RUBCN: variants seen among roughly 807,000 people sequenced by gnomAD.
RUBCN encodes the protein rubicon autophagy regulator.
In RUBCN, 74 loss-of-function variants were observed where a neutral mutation model predicts 113.2. The observed-to-expected ratio is 0.65, with a 90% confidence interval of 0.54 to 0.79. The LOEUF (loss-of-function observed/expected upper bound fraction) is 0.79, where lower values mean the gene tolerates loss of function less well. Among genes scored for constraint, RUBCN ranks in the 30% least tolerant of loss-of-function variants. RUBCN has a pLI of 0.00. For missense variants in RUBCN, 1,109 were observed against 1,251.7 expected (o/e 0.89, Z 1.72); for synonymous variants, 480 against 490.0 (o/e 0.98, Z 0.27).
chr3:197,698,459 A>T (rs1369062565), intron 7 of RUBCN, among the ~76,000 whole-genome samples: 1 of 152,222 alleles, frequency 6.6e-6, no homozygotes, highest in Non-Finnish European at 1.5e-5. Context: ...CCAAGGAAAC[A>T]GACTGAAATA....
rs1413868093 is a variant in RUBCN at position 197,694,203 on chromosome 3, A to G, written c.1684+172T>C. On this transcript the variant is annotated intron_variant, in intron 10 of 19. Coordinates refer to ENST00000296343, the MANE Select transcript of RUBCN (RefSeq NM_014687.4). ...ACTCTGCCTGGCCTGGAAGGCAGGT[A>G]TTTCTGATGCAGGAAACGGAGCGAC... The G allele has an allele frequency of 4.0e-6, 3 of 745,866 alleles. No individual in the cohort carries two copies. The African/African-American group carries it at 5.1e-5, about 13-fold the overall frequency. 46.2% of individuals were successfully genotyped at this position (745,866 alleles called of 1,614,324 possible).
At chr3:197,735,069 A>G (rs1243618793) in intron 1 of RUBCN, among the ~76,000 whole-genome samples, 2 of 152,184 alleles carry the variant, frequency 1.3e-5, no homozygotes, top group East Asian at 3.8e-4. Context: ...TGCTCCTGAG[A>G]CCATCATTAT....
At position 197,674,587 on chromosome 3, in the gene RUBCN, G is replaced by A; in HGVS notation, c.*431C>T. ...GAGGGAAAACGCCATCCCCGTTTCAGCAGCAGGAGAGGTGGTTGAGAAAGG... is the reference window on the plus strand; with the variant it reads ...GAGGGAAAACGCCATCCCCGTTTCAACAGCAGGAGAGGTGGTTGAGAAAGG... On this transcript the variant is annotated 3_prime_UTR_variant, in exon 20 of 20. Transcript: ENST00000296343. The A allele has an allele frequency of 2.0e-6, 1 of 490,048 alleles. No individual in the cohort carries two copies. The highest frequency in any genetic ancestry group is 4.2e-6 in the Non-Finnish European group (1 of 240,896). 30.4% of individuals were successfully genotyped at this position (490,048 alleles called of 1,614,324 possible). A position where few individuals can be genotyped will look rare whatever the true frequency, so the allele number is the denominator to read the frequency against.
Position 197,700,987 on chromosome 3 carries a change from G to A in RUBCN, c.887C>T (p.Ser296Phe), listed in dbSNP as rs1350624462. Residue 296 changes from serine to phenylalanine, a missense_variant, in exon 7 of 20, where the codon TCC becomes TTC. Ser to Phe is a radical substitution (Grantham distance 155, BLOSUM62 -2). Coordinates refer to ENST00000296343, the MANE Select transcript of RUBCN (RefSeq NM_014687.4). ...CTCTATGGGGCTGGTCAGAGTACTG[G>A]AGCTCATTTCATTTGGGGTCAAAGG... ...DSPLTPNEMSSSTLTSPIEAS... is the reference protein window; with the variant it reads ...DSPLTPNEMSFSTLTSPIEAS... The A allele has an allele frequency of 2.5e-6, 4 of 1,614,200 alleles. No individual in the cohort carries two copies. Among genetic ancestry groups the A allele is most frequent in the East Asian group, 4.5e-5 (2 of 44,882 alleles).
At chr3:197,695,827 C>T in intron 9 of RUBCN, 39 bp downstream of exon 9, 1 of 1,579,506 alleles carries the variant, frequency 6.3e-7, no homozygotes, top group East Asian at 2.2e-5. Flanking sequence ...ACCCAATCTC[C>T]CAACTCATGA....
rs1275251284 is a variant in RUBCN, at chr3:197,689,923, T to C, written c.1786+3792A>G. ...GAACTCATCCCTTCTAACTGTATGG[T>C]TGAACCCACTAACCAACCTCTCTTT... On this transcript the variant is annotated intron_variant, in intron 11 of 19. Transcript: ENST00000296343. Among the ~76,000 whole-genome samples, 3 of 152,180 alleles carry C rather than the reference T, an allele frequency of 2.0e-5. No homozygotes were observed. In the East Asian group the frequency reaches 5.8e-4, roughly 29 times the overall value.
At chr3:197,721,861 T>A (rs1237005202) in intron 1 of RUBCN, among the ~76,000 whole-genome samples, 1 of 152,210 alleles carries the variant, frequency 6.6e-6, no homozygotes, top group East Asian at 1.9e-4. Context: ...TTCAGGAGCA[T>A]GTTGTTTAAT....
intron 11 of RUBCN, among the ~76,000 whole-genome samples, chr3:197,685,238 C>G (rs1293275956): frequency 6.6e-6 from 1 of 152,230 alleles, no homozygotes; most frequent in Non-Finnish European, 1.5e-5. Context: ...TCAAGCCAGG[C>G]AGACACAGCC....
In RUBCN at chr3:197,720,364, A is replaced by G. The variant is rs535211343; in HGVS notation, c.66-2234T>C. ...AAGAATTAAGGTTGAAGTGTATTCC[A>G]TAGTGTATACACACCCCATTATCTT... is the stretch of plus-strand genomic sequence containing the variant. On this transcript the variant is annotated intron_variant, in intron 1 of 19. Coordinates refer to ENST00000296343, the MANE Select transcript of RUBCN (RefSeq NM_014687.4). Among the ~76,000 whole-genome samples, 18 of 152,236 alleles carry G rather than the reference A, an allele frequency of 1.2e-4. No homozygotes were observed. In the East Asian group the frequency reaches 3.5e-3, roughly 29 times the overall value.
At chr3:197,732,678 G>A (rs1431207187) in intron 1 of RUBCN, among the ~76,000 whole-genome samples, 2 of 152,170 alleles carry the variant, frequency 1.3e-5, no homozygotes, top group East Asian at 3.9e-4. Context: ...GGAAAGTGAA[G>A]TATCATCCCT....
upstream of RUBCN, among the ~76,000 whole-genome samples, chr3:197,740,094 G>A (rs9814756): frequency 0.05 from 7,533 of 152,122 alleles, 576 homozygotes; most frequent in African/African-American, 0.17. Context: ...CTGGAAAACA[G>A]GCTTTTTCTC....
chr3:197,732,347 T>C (rs1236320100), intron 1 of RUBCN, among the ~76,000 whole-genome samples: 2 of 152,240 alleles, frequency 1.3e-5, no homozygotes, highest in Admixed American at 1.3e-4. Context: ...CGAGTCTCAC[T>C]CTGTCTCCCA....
chr3:197,703,724 GA>G, intron 4 of RUBCN, 70 bp from the exon 5 acceptor site: 1 of 922,864 alleles, frequency 1.1e-6, no homozygotes, highest in Non-Finnish European at 1.8e-6. Flanking sequence ...TGAGGAAGCA[GA>G]AAGGGAGAGG....
chr3:197,676,998 CTGTCAGGTGGCCTGGGACTG>C lies in RUBCN; in HGVS notation c.2513_2532del (p.Thr838ArgfsTer10). ...TTCAGTGAGTACAGGTGGAGGTCCT[CTGTCAGGTGGCCTGGGACTG>C]TGTCAAAGGAATCCAGAAGCCTACA... On this transcript the variant is annotated frameshift_variant, in exon 18 of 20. Coordinates refer to ENST00000296343, the MANE Select transcript of RUBCN (RefSeq NM_014687.4). LOFTEE classifies it high-confidence loss of function. The C allele has an allele frequency of 6.2e-7, 1 of 1,614,078 alleles. No homozygotes were observed.
At chr3:197,682,422 A>G (rs1221058608) in intron 14 of RUBCN, 48 bp downstream of exon 14, 4 of 1,611,606 alleles carry the variant, frequency 2.5e-6, no homozygotes, top group Non-Finnish European at 3.4e-6. Flanking sequence ...CTGACAATCC[A>G]AAGAGGACGG....
chr3:197,683,554 A>T lies in RUBCN; in HGVS notation c.1848-115T>A. ...ACTTCTGGGCTGGAAGAACACCCGC[A>T]GCACCCTGGCCTGCTCATCACCCTC... is the stretch of plus-strand genomic sequence containing the variant. On this transcript the variant is annotated intron_variant, in intron 12 of 19. Coordinates refer to ENST00000296343, the MANE Select transcript of RUBCN (RefSeq NM_014687.4). This position sits in a 1 kb window ranked among gnomAD's most constrained non-coding sequence, Gnocchi z 4.6. 8.6e-7 allele frequency: 1 copy of T among 1,161,508 alleles called. No homozygotes were observed. The highest frequency in any genetic ancestry group is 1.3e-6 in the Non-Finnish European group (1 of 792,548). The allele number at this position is 1,161,508 out of a possible 1,614,324, so 72.0% of individuals were successfully genotyped here.
chr3:197,693,571 G>T, intron 11 of RUBCN, 144 bp downstream of exon 11: 1 of 672,124 alleles, frequency 1.5e-6, no homozygotes, highest in Non-Finnish European at 2.7e-6. Context: ...AAGGGGTTTT[G>T]TTTTTAGCAG....
At chr3:197,692,197 A>C (rs1252403225) in intron 11 of RUBCN, among the ~76,000 whole-genome samples, 1 of 151,988 alleles carries the variant, frequency 6.6e-6, no homozygotes, top group African/African-American at 2.4e-5. Flanking sequence ...TATATAATGA[A>C]ACTTCAATAA....
chr3:197,744,444 A>G (rs1728656112), intron 1 of RUBCN, among the ~76,000 whole-genome samples: 1 of 152,228 alleles, frequency 6.6e-6, no homozygotes, highest in Non-Finnish European at 1.5e-5. Context: ...AAAAAGCATC[A>G]GATAAAACTC....
Sources: allele counts gnomAD v4.1 joint callset (sites outside exome capture counted in the v4.1 genomes callset), GRCh38; gene constraint gnomAD v4.1.1; non-coding constraint Gnocchi (gnomAD v3.1); transcripts MANE v1.5; gene names NCBI Gene and HGNC (gene_info 2026-07-23, HGNC 2026-07-21).